The following NELL1 variants were observed in gnomAD, a reference collection of about 807,000 sequenced individuals.
NELL1 encodes neural EGFL like 1.
In NELL1, 76 loss-of-function variants were observed where a neutral mutation model predicts 107.4. The ratio of observed to expected loss-of-function variants is 0.71; its 90% CI spans 0.59 to 0.86. NELL1 has a LOEUF of 0.86. Among genes scored for constraint, NELL1 ranks in the 40% least tolerant of loss-of-function variants. The pLI, the probability that NELL1 is intolerant of heterozygous loss-of-function variation, is 0.00. For synonymous variants in NELL1, 353 were observed against 341.2 expected (o/e 1.03, Z -0.38); for missense variants, 1,024 against 1,005.5 (o/e 1.02, Z -0.25).
chr11:20,954,066 T>C (rs1377487787), intron 11 of NELL1, among the ~76,000 whole-genome samples: 1 of 152,214 alleles, frequency 6.6e-6, no homozygotes, highest in Admixed American at 6.5e-5. Flanking sequence ...CTGTGTACCT[T>C]CCACAAGTTC....
chr11:21,412,884 C>T (rs1028443365), intron 15 of NELL1, among the ~76,000 whole-genome samples: 8 of 152,202 alleles, frequency 5.3e-5, no homozygotes, highest in Admixed American at 2.0e-4. Flanking sequence ...GCAACCCTCA[C>T]ATTGCAACCC....
intron 13 of NELL1, among the ~76,000 whole-genome samples, chr11:21,182,838 A>G (rs750361096): frequency 1.6e-4 from 25 of 151,832 alleles, no homozygotes; most frequent in Non-Finnish European, 3.2e-4. Flanking sequence ...TTGCTCTTCA[A>G]ATGTTGGGAA....
chr11:21,399,224 A>G (rs1485593285), intron 15 of NELL1, among the ~76,000 whole-genome samples: 1 of 151,686 alleles, frequency 6.6e-6, no homozygotes, highest in African/African-American at 2.4e-5. Flanking sequence ...AGTAGATTCA[A>G]CTTTGTGACT....
chr11:20,817,260 G>C (rs1175722080), intron 3 of NELL1, among the ~76,000 whole-genome samples: 1 of 152,044 alleles, frequency 6.6e-6, no homozygotes, highest in Admixed American at 6.6e-5. Flanking sequence ...CAGTAAGTCT[G>C]TCTGGTCTAG....
chr11:21,347,315 T>C (rs1263760103), intron 14 of NELL1, among the ~76,000 whole-genome samples: 1 of 152,018 alleles, frequency 6.6e-6, no homozygotes, highest in East Asian at 1.9e-4. Flanking sequence ...AATAAAATCA[T>C]AACGGGGCTG....
At chr11:21,434,950 A>G (rs77941494) in intron 15 of NELL1, among the ~76,000 whole-genome samples, 4,460 of 152,008 alleles carry the variant, frequency 0.029, 228 homozygotes, top group African/African-American at 0.1. Flanking sequence ...ATATTTTTGT[A>G]TGGAATTTTT....
chr11:21,089,832 CA>C (rs1256844867), intron 12 of NELL1, among the ~76,000 whole-genome samples: 2 of 152,128 alleles, frequency 1.3e-5, no homozygotes, highest in African/African-American at 4.8e-5. Flanking sequence ...GGGGATATTT[CA>C]AAAGAGGAAG....
At chr11:20,691,193 T>G (rs185128932) in intron 2 of NELL1, among the ~76,000 whole-genome samples, 1 of 152,240 alleles carries the variant, frequency 6.6e-6, no homozygotes, top group East Asian at 1.9e-4. Flanking sequence ...GCTGAGACAA[T>G]GGCGTTTTCT....
chr11:21,401,145 C>T (rs527305046), intron 15 of NELL1, among the ~76,000 whole-genome samples: 62 of 151,954 alleles, frequency 4.1e-4, no homozygotes, highest in African/African-American at 1.4e-3. Flanking sequence ...TGAAATACCA[C>T]GTGCTATAAA....
intron 12 of NELL1, among the ~76,000 whole-genome samples, chr11:21,045,213 A>G (rs773695765): frequency 1.3e-5 from 2 of 152,108 alleles, no homozygotes; most frequent in Non-Finnish European, 2.9e-5. Context: ...TTGAGAGCCT[A>G]AGAGATAGTA....
chr11:20,711,779 G>T (rs547413325), intron 2 of NELL1, among the ~76,000 whole-genome samples: 1 of 152,028 alleles, frequency 6.6e-6, no homozygotes, highest in East Asian at 1.9e-4. Flanking sequence ...TCCTTTATAG[G>T]TTACTTGATG....
At chr11:21,553,880 A>G (rs560615540) in intron 16 of NELL1, among the ~76,000 whole-genome samples, 3 of 152,034 alleles carry the variant, frequency 2.0e-5, no homozygotes, top group South Asian at 2.1e-4. Context: ...TTTTCAGCAA[A>G]GGATGAAATT....
chr11:20,724,178 C>A (rs1855458129), intron 2 of NELL1, among the ~76,000 whole-genome samples: 1 of 152,246 alleles, frequency 6.6e-6, no homozygotes, highest in Non-Finnish European at 1.5e-5. Flanking sequence ...AAGATCTCTG[C>A]AATGCTGTGG....
intron 2 of NELL1, among the ~76,000 whole-genome samples, chr11:20,762,246 G>A (rs1032175501): frequency 1.3e-5 from 2 of 152,210 alleles, no homozygotes; most frequent in Admixed American, 1.3e-4. Flanking sequence ...GGATTGTGGG[G>A]TATTGCGAGG....
intron 14 of NELL1, among the ~76,000 whole-genome samples, chr11:21,319,704 C>G (rs1849966688): frequency 6.6e-6 from 1 of 151,614 alleles, no homozygotes; most frequent in African/African-American, 2.4e-5. Flanking sequence ...AATCCCAGCA[C>G]TTTGGGAGGC....
intron 14 of NELL1, among the ~76,000 whole-genome samples, chr11:21,349,752 T>C (rs993257980): frequency 1.3e-5 from 2 of 152,116 alleles, no homozygotes; most frequent in Non-Finnish European, 2.9e-5. Flanking sequence ...TGCAGTACAT[T>C]GCTGCATTAT....
At chr11:21,223,184 C>G (rs1449546632) in intron 13 of NELL1, among the ~76,000 whole-genome samples, 2 of 152,108 alleles carry the variant, frequency 1.3e-5, no homozygotes, top group Non-Finnish European at 2.9e-5. Flanking sequence ...CTCTCTCTCT[C>G]TCTCTTTCTC....
At chr11:20,818,418 T>C (rs1857673615) in intron 3 of NELL1, among the ~76,000 whole-genome samples, 1 of 150,602 alleles carries the variant, frequency 6.6e-6, no homozygotes, top group African/African-American at 2.4e-5. Flanking sequence ...TTTTTTTTTT[T>C]TTTTTTTTTT....
intron 13 of NELL1, among the ~76,000 whole-genome samples, chr11:21,153,991 T>G (rs10766770): frequency 0.32 from 48,436 of 152,044 alleles, 8,031 homozygotes; most frequent in Middle Eastern, 0.4. Flanking sequence ...TGGGCAGCGT[T>G]AAAGAGCCCA....
Sources: allele counts gnomAD v4.1 joint callset (sites outside exome capture counted in the v4.1 genomes callset), GRCh38; gene constraint gnomAD v4.1.1; transcripts MANE v1.5; gene names NCBI Gene and HGNC (gene_info 2026-07-23, HGNC 2026-07-21).